FGF14: variants seen among roughly 807,000 people sequenced by gnomAD.
The protein encoded by FGF14 is fibroblast growth factor homologous factor 4.
Under a neutral mutation model 25.5 loss-of-function variants are expected in FGF14, and 5 were observed. That is an observed-to-expected ratio of 0.20 (90% CI 0.10 to 0.41). The LOEUF is 0.41. FGF14 is among the 10% of genes least tolerant of loss of function. The probability of loss-of-function intolerance (pLI) is 1.00; values close to 1 mark genes in which losing one functional copy is unlikely to be tolerated. For missense variants in FGF14, 222 were observed against 320.1 expected, an observed-to-expected ratio of 0.69 and a Z score of 2.34; for synonymous variants, 138 against 118.3, an observed-to-expected ratio of 1.17 and a Z score of -1.08.
intron 3 of FGF14, among the ~76,000 whole-genome samples, chr13:101,836,883 A>G (rs1396788755): frequency 1.3e-5 from 2 of 152,048 alleles, no homozygotes; most frequent in Non-Finnish European, 1.5e-5. Context: ...GTAATATGTA[A>G]TGATGATTTT....
chr13:101,803,129 T>A (rs2040986573), intron 3 of FGF14, among the ~76,000 whole-genome samples: 1 of 108,012 alleles, frequency 9.3e-6, no homozygotes, highest in Non-Finnish European at 1.6e-5. Context: ...ATTTTGAAAC[T>A]TTTTTTTTTT....
chr13:101,803,813 G>T (rs537093606), intron 3 of FGF14, among the ~76,000 whole-genome samples: 1 of 152,092 alleles, frequency 6.6e-6, no homozygotes, highest in Non-Finnish European at 1.5e-5. Context: ...GGAAGGACAC[G>T]AATTCAATCT....
At chr13:101,723,272 C>G (rs1415626710) in intron 4 of FGF14, among the ~76,000 whole-genome samples, 1 of 151,518 alleles carries the variant, frequency 6.6e-6, no homozygotes, top group African/African-American at 2.4e-5. Flanking sequence ...ATGTAAAACA[C>G]ACACACACAC....
At chr13:102,192,910 A>C (rs1381556332) in intron 1 of FGF14, among the ~76,000 whole-genome samples, 1 of 152,066 alleles carries the variant, frequency 6.6e-6, no homozygotes, top group Non-Finnish European at 1.5e-5. Flanking sequence ...CCCCTTAGCT[A>C]TTCTCTTTTC....
rs200367815 is a variant in FGF14 at position 102,377,087 on chromosome 13, C to CT, written c.208+24383dup. On this transcript the variant is annotated intron_variant, in intron 1 of 4. Coordinates refer to the FGF14 transcript ENST00000376131. Reference sequence around the variant, plus strand: ...GCTAGTCTTCAAATATCTAGGTCACCTTTTTTTTTTTTCCTAAGAAAAAGA... The same window carrying CT: ...GCTAGTCTTCAAATATCTAGGTCACCTTTTTTTTTTTTTCCTAAGAAAAAGA... Among the ~76,000 whole-genome samples the CT allele has an allele frequency of 2.1e-3, 312 of 145,982 alleles. 3 individuals are homozygous for CT. The highest frequency in any genetic ancestry group is 7.4e-3 in the Middle Eastern group (2 of 272).
chr13:102,295,275 CA>C (rs1314785451), intron 1 of FGF14, among the ~76,000 whole-genome samples: 1 of 152,148 alleles, frequency 6.6e-6, no homozygotes, highest in African/African-American at 2.4e-5. Flanking sequence ...ACCGTATCTA[CA>C]AATTCACTTT....
chr13:101,911,552 A>G lies in FGF14; in HGVS notation c.193+4901T>C, dbSNP rs72662436. Among the ~76,000 whole-genome samples, 1,260 of 152,282 alleles carry G rather than the reference A, an allele frequency of 8.3e-3. 14 individuals carry two copies. The highest frequency in any genetic ancestry group is 0.02 in the Middle Eastern group (6 of 294). ...TATAGCAAATATGGACTGTGAAATC[A>G]TAACAATTAAGCCACAGGAGGAAAA... On this transcript the variant is annotated intron_variant, in intron 1 of 4. Coordinates refer to ENST00000376143, the MANE Select transcript of FGF14 (RefSeq NM_004115.4).
intron 1 of FGF14, among the ~76,000 whole-genome samples, chr13:102,288,992 G>A (rs1370880620): frequency 6.6e-6 from 1 of 151,750 alleles, no homozygotes; most frequent in African/African-American, 2.4e-5. Flanking sequence ...TAAATGCCAA[G>A]GTTAGCCAAT....
intron 1 of FGF14, among the ~76,000 whole-genome samples, chr13:102,392,314 C>A (rs1352339731): frequency 6.6e-6 from 1 of 152,192 alleles, no homozygotes; most frequent in Non-Finnish European, 1.5e-5. Context: ...CTTTTAATTG[C>A]ACTACTTGAC....
rs188364141 is a variant in FGF14 at position 102,267,516 on chromosome 13, T to C, written c.208+133955A>G. Among the ~76,000 whole-genome samples the C allele has an allele frequency of 4.6e-5, 7 of 152,296 alleles. No individual in the cohort carries two copies. The East Asian group carries it at 9.7e-4, about 21-fold the overall frequency. ...AACATTGAAGGACATATGAAATGTA[T>C]TGGCCATTTTTAAAGTTATGTATCA... On this transcript the variant is annotated intron_variant, in intron 1 of 4. Coordinates refer to the FGF14 transcript ENST00000376131.
intron 1 of FGF14, among the ~76,000 whole-genome samples, chr13:102,317,945 A>G (rs1594835833): frequency 6.6e-6 from 1 of 152,218 alleles, no homozygotes; most frequent in East Asian, 1.9e-4. Context: ...CCCTTCCACA[A>G]TCTGGCCTAC....
At chr13:102,235,124 C>T (rs1255442262) in intron 1 of FGF14, among the ~76,000 whole-genome samples, 1 of 152,060 alleles carries the variant, frequency 6.6e-6, no homozygotes, top group African/African-American at 2.4e-5. Flanking sequence ...TGCATATATG[C>T]CCAGTGAATT....
At chr13:102,132,515 C>CT (rs5806272) in intron 1 of FGF14, among the ~76,000 whole-genome samples, 13,644 of 112,604 alleles carry the variant, frequency 0.12, 742 homozygotes, top group Non-Finnish European at 0.17. Flanking sequence ...TTCTTTCTTT[C>CT]TTTTTTTTTT....
chr13:101,865,804 C>G (rs1229201821), intron 3 of FGF14, among the ~76,000 whole-genome samples: 3 of 152,014 alleles, frequency 2.0e-5, no homozygotes, highest in Non-Finnish European at 4.4e-5. Flanking sequence ...TACTTCTAAA[C>G]CTATGGATCT....
chr13:102,188,541 T>G (rs1395679490), intron 1 of FGF14, among the ~76,000 whole-genome samples: 1 of 152,180 alleles, frequency 6.6e-6, no homozygotes, highest in Non-Finnish European at 1.5e-5. Flanking sequence ...GAGAATTAAA[T>G]GAGATAAAGC....
At position 102,306,622 on chromosome 13, in the gene FGF14, T is replaced by C. The variant is rs752111253; in HGVS notation, c.208+94849A>G. ...CTGGAGCTTCTGCAAAGTAAGACTGTGTGCCCAAAACATTGCTTAAAAAAT... is the reference window on the plus strand; with the variant it reads ...CTGGAGCTTCTGCAAAGTAAGACTGCGTGCCCAAAACATTGCTTAAAAAAT... On this transcript the variant is annotated intron_variant, in intron 1 of 4. Transcript: ENST00000376131. 6.4e-4 allele frequency among the ~76,000 whole-genome samples: 98 copies of C among 152,262 alleles called. 1 individual carries two copies. Among genetic ancestry groups the C allele is most frequent in the South Asian group, 1.2e-3 (6 of 4,822 alleles).
At chr13:102,266,249 A>G (rs1453515193) in intron 1 of FGF14, among the ~76,000 whole-genome samples, 1 of 152,118 alleles carries the variant, frequency 6.6e-6, no homozygotes, top group East Asian at 1.9e-4. Context: ...AATATTGGCC[A>G]TTTTTGTTTT....
At chr13:101,868,690 G>A (rs2044870201) in intron 3 of FGF14, 35 bp downstream of exon 3, 2 of 1,280,286 alleles carry the variant, frequency 1.6e-6, no homozygotes, top group East Asian at 4.6e-5. Context: ...TACATGCATT[G>A]AACGAATGGC....
chr13:101,973,060 A>G (rs1295178777), intron 1 of FGF14, among the ~76,000 whole-genome samples: 4 of 152,102 alleles, frequency 2.6e-5, no homozygotes, highest in African/African-American at 9.6e-5. Flanking sequence ...AAAAGAAGAA[A>G]ACTCTCTTCA....
Sources: allele counts gnomAD v4.1 joint callset (sites outside exome capture counted in the v4.1 genomes callset), GRCh38; gene constraint gnomAD v4.1.1; transcripts MANE v1.5; gene names NCBI Gene and HGNC (gene_info 2026-07-23, HGNC 2026-07-21).